PCDH9: variants seen among roughly 807,000 people sequenced by gnomAD.
PCDH9 encodes the protein protocadherin 9.
In PCDH9, 24 loss-of-function variants were observed where a neutral mutation model predicts 70.6. The ratio of observed to expected loss-of-function variants is 0.34; its 90% confidence interval spans 0.25 to 0.48. The LOEUF (loss-of-function observed/expected upper bound fraction) is 0.48. Among genes scored for constraint, PCDH9 ranks in the 20% least tolerant of loss-of-function variants. PCDH9 has a pLI of 0.99. For synonymous variants in PCDH9, 562 were observed against 558.5 expected, an observed-to-expected ratio of 1.01 and a Z score of -0.09; for missense variants, 1,281 against 1,503.6, an observed-to-expected ratio of 0.85 and a Z score of 2.45.
At chr13:66,440,576 T>A (rs1957954333) in intron 4 of PCDH9, among the ~76,000 whole-genome samples, 1 of 152,044 alleles carries the variant, frequency 6.6e-6, no homozygotes, top group Admixed American at 6.6e-5. Context: ...CAGGTATCAT[T>A]AGGTTTAATT....
At chr13:66,735,657 G>A (rs941658489) in intron 3 of PCDH9, among the ~76,000 whole-genome samples, 3 of 152,166 alleles carry the variant, frequency 2.0e-5, no homozygotes, top group East Asian at 3.9e-4. Context: ...ATCTTTGCAC[G>A]TAGTATTAAT....
intron 3 of PCDH9, among the ~76,000 whole-genome samples, chr13:66,677,680 C>T (rs962049449): frequency 2.6e-5 from 4 of 152,076 alleles, no homozygotes; most frequent in Non-Finnish European, 5.9e-5. Flanking sequence ...TGTGATGTGC[C>T]TCTTCTCCCC....
chr13:66,404,932 C>A (rs1957254105), intron 4 of PCDH9, among the ~76,000 whole-genome samples: 1 of 152,154 alleles, frequency 6.6e-6, no homozygotes, highest in Non-Finnish European at 1.5e-5. Context: ...AATCCATCCT[C>A]TTTCCATTTT....
intron 2 of PCDH9, among the ~76,000 whole-genome samples, chr13:67,147,958 T>C (rs1054169045): frequency 2.0e-5 from 3 of 152,182 alleles, no homozygotes; most frequent in African/African-American, 7.2e-5. Context: ...CTTAAACAAA[T>C]GTCCTTTTCA....
chr13:67,097,582 C>A (rs534393642), intron 2 of PCDH9, among the ~76,000 whole-genome samples: 1 of 152,234 alleles, frequency 6.6e-6, no homozygotes, highest in Non-Finnish European at 1.5e-5. Context: ...AGTAGTTGCA[C>A]AAAATGTCTT....
intron 3 of PCDH9, among the ~76,000 whole-genome samples, chr13:66,716,900 A>C (rs1301429853): frequency 6.6e-6 from 1 of 152,142 alleles, no homozygotes; most frequent in East Asian, 1.9e-4. Flanking sequence ...TGAGATTTTC[A>C]AAACTAACAT....
intron 3 of PCDH9, among the ~76,000 whole-genome samples, chr13:66,813,102 T>C (rs1329733589): frequency 6.6e-6 from 1 of 152,192 alleles, no homozygotes; most frequent in Non-Finnish European, 1.5e-5. Context: ...CATTAGGAAT[T>C]GAATCAGTGA....
At chr13:66,657,360 A>G (rs920780431) in intron 3 of PCDH9, among the ~76,000 whole-genome samples, 11 of 152,286 alleles carry the variant, frequency 7.2e-5, no homozygotes, top group Admixed American at 7.2e-4. Flanking sequence ...GCATCTGGCC[A>G]CCTGAACACA....
At chr13:66,695,658 T>C (rs572483199) in intron 3 of PCDH9, among the ~76,000 whole-genome samples, 2 of 152,162 alleles carry the variant, frequency 1.3e-5, no homozygotes, top group Non-Finnish European at 2.9e-5. Flanking sequence ...GCTTCTCTTT[T>C]CCTAACTGTA....
intron 2 of PCDH9, among the ~76,000 whole-genome samples, chr13:66,931,625 T>C (rs1380043630): frequency 1.3e-5 from 2 of 152,236 alleles, no homozygotes; most frequent in Middle Eastern, 3.4e-3. Context: ...GAATTTCTAA[T>C]GCATTGTAGT....
intron 4 of PCDH9, among the ~76,000 whole-genome samples, chr13:66,527,155 T>C (rs146124872): frequency 3.1e-4 from 47 of 152,258 alleles, no homozygotes; most frequent in African/African-American, 1.0e-3. Context: ...TACCTGATTA[T>C]ATAAAACTTA....
intron 2 of PCDH9, among the ~76,000 whole-genome samples, chr13:67,170,882 G>A (rs911059200): frequency 1.3e-5 from 2 of 152,020 alleles, no homozygotes; most frequent in African/African-American, 2.4e-5. Context: ...CCAAGATTGC[G>A]CCACTGCACT....
At chr13:66,918,920 C>G (rs2082598337) in intron 2 of PCDH9, among the ~76,000 whole-genome samples, 2 of 151,170 alleles carry the variant, frequency 1.3e-5, no homozygotes, top group South Asian at 4.1e-4. Context: ...CTATTTTCAA[C>G]CTACTTAATT....
chr13:66,956,425 A>G (rs954958687), intron 2 of PCDH9, among the ~76,000 whole-genome samples: 17 of 152,202 alleles, frequency 1.1e-4, no homozygotes, highest in Non-Finnish European at 2.5e-4. Context: ...TGTGATAGTC[A>G]AAAAGCCATA....
intron 4 of PCDH9, among the ~76,000 whole-genome samples, chr13:66,314,038 T>C (rs1021762140): frequency 3.9e-5 from 6 of 152,170 alleles, no homozygotes; most frequent in Non-Finnish European, 8.8e-5. Flanking sequence ...ATATCACAGC[T>C]CAGTGCTTCT....
intron 2 of PCDH9, among the ~76,000 whole-genome samples, chr13:66,980,215 T>C (rs866313092): frequency 2.6e-5 from 4 of 152,164 alleles, no homozygotes; most frequent in Middle Eastern, 6.8e-3. Context: ...CATTTACTCA[T>C]GTTCCCAAAC....
intron 2 of PCDH9, among the ~76,000 whole-genome samples, chr13:66,957,292 T>C (rs1340441335): frequency 6.6e-6 from 1 of 152,190 alleles, no homozygotes; most frequent in Non-Finnish European, 1.5e-5. Context: ...CAATGAACTT[T>C]TTTTTTTACA....
At chr13:67,171,632 C>A (rs767617105) in intron 2 of PCDH9, among the ~76,000 whole-genome samples, 1 of 152,148 alleles carries the variant, frequency 6.6e-6, no homozygotes, top group Non-Finnish European at 1.5e-5. Context: ...CTATCAACAC[C>A]TTTAATGGTG....
intron 4 of PCDH9, among the ~76,000 whole-genome samples, chr13:66,389,085 T>G (rs1443227635): frequency 6.6e-6 from 1 of 152,182 alleles, no homozygotes; most frequent in Admixed American, 6.5e-5. Context: ...TGTAAAATCA[T>G]TGTAGTAACC....
Sources: allele counts gnomAD v4.1 joint callset (sites outside exome capture counted in the v4.1 genomes callset), GRCh38; gene constraint gnomAD v4.1.1; transcripts MANE v1.5; gene names NCBI Gene and HGNC (gene_info 2026-07-23, HGNC 2026-07-21).